The following HACE1 variants were observed in gnomAD, a reference collection of about 807,000 sequenced individuals.
HACE1 encodes the protein HECT domain and ankyrin repeat containing E3 ubiquitin protein ligase 1.
Under a neutral mutation model 118.4 loss-of-function variants are expected in HACE1, and 73 were observed. That is an observed-to-expected ratio of 0.62 (90% CI 0.51 to 0.75). The LOEUF is 0.75. Ranked by LOEUF, HACE1 falls within the 30% of genes least tolerant of loss-of-function variation. The pLI is 0.00. For missense variants in HACE1, 749 were observed against 1,102.2 expected (o/e 0.68, Z 4.54); for synonymous variants, 368 against 374.8 (o/e 0.98, Z 0.21).
At chr6:104,844,008 C>T (rs1192324891) in intron 4 of HACE1, among the ~76,000 whole-genome samples, 1 of 151,678 alleles carries the variant, frequency 6.6e-6, no homozygotes, top group African/African-American at 2.4e-5. Flanking sequence ...AGGCGTGTGC[C>T]ACCACGCCAG....
chr6:104,795,518 C>T, intron 10 of HACE1, 61 bp downstream of exon 10: 1 of 947,310 alleles, frequency 1.1e-6, no homozygotes, highest in Admixed American at 1.7e-5. Flanking sequence ...ATAAACTACT[C>T]AGGAGGTGAA....
intron 5 of HACE1, among the ~76,000 whole-genome samples, chr6:104,835,368 T>A (rs769538583): frequency 6.6e-6 from 1 of 152,138 alleles, no homozygotes; most frequent in Non-Finnish European, 1.5e-5. Flanking sequence ...AAACTATATT[T>A]AATACTGTCA....
At chr6:104,791,270 A>C (rs568640052) in intron 11 of HACE1, among the ~76,000 whole-genome samples, 1 of 152,246 alleles carries the variant, frequency 6.6e-6, no homozygotes, top group Non-Finnish European at 1.5e-5. Context: ...TACCCTTAGA[A>C]TAAAACACCA....
At chr6:104,838,086 T>G (rs561562565) in intron 5 of HACE1, among the ~76,000 whole-genome samples, 16 of 152,266 alleles carry the variant, frequency 1.1e-4, no homozygotes, top group African/African-American at 3.6e-4. Flanking sequence ...TGGAAAAATA[T>G]TCCTAAGGGT....
chr6:104,759,755 T>C (rs1450052746), intron 19 of HACE1, among the ~76,000 whole-genome samples: 1 of 151,664 alleles, frequency 6.6e-6, no homozygotes, highest in African/African-American at 2.4e-5. Context: ...AATCAATAAA[T>C]CCAGGAACTA....
In HACE1 at chr6:104,772,089, A is replaced by G; in HGVS notation, c.1865-15T>C. On this transcript the variant is annotated splice_polypyrimidine_tract_variant and intron_variant, in intron 17 of 23. Coordinates refer to ENST00000262903, the MANE Select transcript of HACE1 (RefSeq NM_020771.4). ...AAAAGTTGTTCCTATTGAAATAAATACAAAATAATATATTATTAAGAATCT... is the reference window on the plus strand; with the variant it reads ...AAAAGTTGTTCCTATTGAAATAAATGCAAAATAATATATTATTAAGAATCT... 4.4e-6 allele frequency: 6 copies of G among 1,351,340 alleles called. No individual in the cohort carries two copies. The highest frequency in any genetic ancestry group is 6.3e-6 in the Non-Finnish European group (6 of 946,918). 83.7% of individuals were successfully genotyped at this position (1,351,340 alleles called of 1,614,324 possible). A position where few individuals can be genotyped will look rare whatever the true frequency, so the allele number is the denominator to read the frequency against.
At chr6:104,857,952 G>A (rs1282565253) in intron 1 of HACE1, among the ~76,000 whole-genome samples, 4 of 87,898 alleles carry the variant, frequency 4.6e-5, no homozygotes, top group African/African-American at 1.7e-4. Context: ...GTGAGACTCC[G>A]TCTCAAAAAA....
At chr6:104,851,734 A>C (rs1047472899) in intron 2 of HACE1, among the ~76,000 whole-genome samples, 4 of 152,324 alleles carry the variant, frequency 2.6e-5, no homozygotes, top group Non-Finnish European at 5.9e-5. Flanking sequence ...TTAAAACAAA[A>C]AAAAAAATTT....
chr6:104,744,336 C>T, intron 21 of HACE1, 106 bp from the exon 22 acceptor site: 1 of 878,382 alleles, frequency 1.1e-6, no homozygotes, highest in East Asian at 2.4e-5. Context: ...TTCTACAAAA[C>T]TCGTTTACCA....
intron 7 of HACE1, among the ~76,000 whole-genome samples, chr6:104,810,796 A>G (rs1771517314): frequency 1.3e-5 from 2 of 152,140 alleles, no homozygotes; most frequent in African/African-American, 2.4e-5. Context: ...AACTTAATGT[A>G]TAACAATATC....
chr6:104,837,602 A>G (rs1192034192), intron 5 of HACE1, among the ~76,000 whole-genome samples: 1 of 152,232 alleles, frequency 6.6e-6, no homozygotes, highest in Non-Finnish European at 1.5e-5. Context: ...TCTTGATACC[A>G]AAAGCATGAT....
chr6:104,743,648 G>C (rs1777080105), intron 22 of HACE1, among the ~76,000 whole-genome samples: 1 of 151,778 alleles, frequency 6.6e-6, no homozygotes. Flanking sequence ...ATATTTAACT[G>C]GTTCCAAAAG....
chr6:104,762,363 G>A (rs886917204), intron 19 of HACE1, among the ~76,000 whole-genome samples: 1 of 152,168 alleles, frequency 6.6e-6, no homozygotes, highest in Non-Finnish European at 1.5e-5. Flanking sequence ...GAAATACTAT[G>A]CAGCCATAAA....
chr6:104,784,953 A>C (rs1562363461), intron 12 of HACE1, 32 bp downstream of exon 12: 1 of 1,076,962 alleles, frequency 9.3e-7, no homozygotes, highest in Admixed American at 2.6e-5. Flanking sequence ...TCTATCAGAG[A>C]AAAAAAAAAT....
At chr6:104,852,195 C>CTGTGTGTGTG (rs201776642) in intron 2 of HACE1, 122 bp downstream of exon 2, 146 of 553,948 alleles carry the variant, frequency 2.6e-4, no homozygotes, top group African/African-American at 1.2e-3. Context: ...TATGTCCAAA[C>CTGTGTGTGTG]TGTCTGTGTG....
intron 2 of HACE1, 75 bp downstream of exon 2, chr6:104,852,242 T>TGC: frequency 6.6e-6 from 5 of 759,792 alleles, no homozygotes; most frequent in South Asian, 5.5e-5. Flanking sequence ...CGCGTGCGCG[T>TGC]GCACGGGCAT....
At chr6:104,849,047 A>G (rs906540277) in intron 4 of HACE1, 95 bp downstream of exon 4, 1 of 772,034 alleles carries the variant, frequency 1.3e-6, no homozygotes, top group Non-Finnish European at 2.4e-6. Context: ...CCCAAGGTAA[A>G]TATCAGGGAT....
intron 22 of HACE1, among the ~76,000 whole-genome samples, chr6:104,736,113 T>A (rs1177579274): frequency 1.3e-5 from 2 of 151,796 alleles, no homozygotes; most frequent in Non-Finnish European, 2.9e-5. Flanking sequence ...AATTATCAAC[T>A]TTCTTACATA....
At chr6:104,794,027 C>T (rs1040463513) in intron 10 of HACE1, among the ~76,000 whole-genome samples, 12 of 152,140 alleles carry the variant, frequency 7.9e-5, no homozygotes, top group African/African-American at 2.7e-4. Flanking sequence ...ACCAACCACC[C>T]CTGTCATTTT....
Sources: gnomAD v4.1 joint callset for allele counts (sites outside exome capture counted in the v4.1 genomes callset) on GRCh38, gnomAD v4.1.1 for gene constraint, MANE v1.5 for transcripts, NCBI Gene and HGNC (gene_info 2026-07-23, HGNC 2026-07-21) for gene names.